COL24A1: variants seen among roughly 807,000 people sequenced by gnomAD.
COL24A1 encodes collagen alpha-1(XXIV) chain.
Under a neutral mutation model 253.9 loss-of-function variants are expected in COL24A1, and 224 were observed. The observed-to-expected ratio is 0.88, with a 90% CI of 0.79 to 0.99. COL24A1 has a LOEUF of 0.99. Among genes scored for constraint, COL24A1 ranks in the 50% least tolerant of loss-of-function variants. COL24A1 has a pLI of 0.00. For missense variants in COL24A1, 2,131 were observed against 2,068.5 expected, an observed-to-expected ratio of 1.03 and a Z score of -0.59; for synonymous variants, 685 against 673.7, an observed-to-expected ratio of 1.02 and a Z score of -0.26.
intron 7 of COL24A1, among the ~76,000 whole-genome samples, chr1:86,074,339 C>T (rs189125873): frequency 2.2e-4 from 33 of 152,064 alleles, no homozygotes; most frequent in Non-Finnish European, 4.6e-4. Flanking sequence ...ACTAAACCAA[C>T]AAAGATCAAA....
At chr1:86,137,176 G>A (rs567430069) in intron 2 of COL24A1, among the ~76,000 whole-genome samples, 2 of 152,190 alleles carry the variant, frequency 1.3e-5, no homozygotes, top group South Asian at 4.1e-4. Context: ...TGCTTGTTTT[G>A]TGAGTGGCCC....
intron 55 of COL24A1, among the ~76,000 whole-genome samples, chr1:85,755,897 G>A (rs1330867007): frequency 1.6e-4 from 13 of 80,762 alleles, no homozygotes; most frequent in Non-Finnish European, 3.2e-4. Flanking sequence ...AGATAAATTA[G>A]ACTATATCAG....
At chr1:86,021,029 G>A (rs995323072) in intron 18 of COL24A1, among the ~76,000 whole-genome samples, 4 of 152,138 alleles carry the variant, frequency 2.6e-5, no homozygotes, top group African/African-American at 9.7e-5. Context: ...TAATTCCTAA[G>A]AGATGTATAT....
At chr1:85,756,306 C>T (rs1279064891) in intron 55 of COL24A1, among the ~76,000 whole-genome samples, 1 of 151,954 alleles carries the variant, frequency 6.6e-6, no homozygotes, top group Non-Finnish European at 1.5e-5. Context: ...GTAATCCCAG[C>T]TACTCAGGAG....
intron 18 of COL24A1, among the ~76,000 whole-genome samples, chr1:86,021,478 G>T (rs1360253686): frequency 1.3e-5 from 2 of 151,968 alleles, no homozygotes; most frequent in Admixed American, 1.3e-4. Context: ...TGGCCACCCA[G>T]GTGACCTTAG....
intron 47 of COL24A1, among the ~76,000 whole-genome samples, chr1:85,789,528 T>C (rs965369642): frequency 6.6e-6 from 1 of 152,166 alleles, no homozygotes; most frequent in South Asian, 2.1e-4. Context: ...ACTTCCTCTC[T>C]TCCTATTTGA....
At chr1:85,777,628 CTT>C (rs967228946) in intron 52 of COL24A1, among the ~76,000 whole-genome samples, 1 of 151,906 alleles carries the variant, frequency 6.6e-6, no homozygotes, top group African/African-American at 2.4e-5. Context: ...AAAAAAAAGT[CTT>C]TGCAAAATTT....
intron 3 of COL24A1, among the ~76,000 whole-genome samples, chr1:86,116,449 A>G (rs1173425929): frequency 4.6e-5 from 7 of 152,184 alleles, no homozygotes. Flanking sequence ...ACTTTCCAAT[A>G]TGTGACAGTT....
chr1:86,131,994 C>G (rs943377653), intron 2 of COL24A1, among the ~76,000 whole-genome samples: 6 of 152,110 alleles, frequency 3.9e-5, no homozygotes, highest in African/African-American at 1.2e-4. Context: ...TAAAAGTGTT[C>G]CTATTTCTCT....
At chr1:85,952,982 T>C (rs1690075402) in intron 24 of COL24A1, among the ~76,000 whole-genome samples, 1 of 152,186 alleles carries the variant, frequency 6.6e-6, no homozygotes. Flanking sequence ...AAGAGTGGTA[T>C]TGTCAACAGG....
At chr1:85,954,687 C>T (rs533934132) in intron 24 of COL24A1, among the ~76,000 whole-genome samples, 2 of 152,186 alleles carry the variant, frequency 1.3e-5, no homozygotes, top group Non-Finnish European at 2.9e-5. Flanking sequence ...CATGGATATA[C>T]ATTTCATATA....
At chr1:86,092,160 G>GT (rs953278519) in intron 6 of COL24A1, 107 bp downstream of exon 6, 48 of 812,356 alleles carry the variant, frequency 5.9e-5, no homozygotes, top group Non-Finnish European at 8.7e-5. Context: ...TAATTCTCAT[G>GT]TTTTTTTCCT....
intron 28 of COL24A1, among the ~76,000 whole-genome samples, chr1:85,899,320 T>C (rs528049583): frequency 6.6e-6 from 1 of 152,316 alleles, no homozygotes; most frequent in East Asian, 1.9e-4. Context: ...TGAAAATGTG[T>C]CCACTGGTAA....
chr1:85,949,683 C>T (rs1049404987), intron 24 of COL24A1, among the ~76,000 whole-genome samples: 2 of 152,108 alleles, frequency 1.3e-5, no homozygotes, highest in African/African-American at 2.4e-5. Context: ...ACTGCAATAA[C>T]TTTGTTATTG....
At chr1:85,840,372 T>C (rs1676470601) in intron 42 of COL24A1, among the ~76,000 whole-genome samples, 1 of 152,154 alleles carries the variant, frequency 6.6e-6, no homozygotes, top group South Asian at 2.1e-4. Context: ...ATCTATTGCC[T>C]CTATATGAGA....
At chr1:86,150,579 T>C (rs977437924) in intron 1 of COL24A1, among the ~76,000 whole-genome samples, 1 of 152,050 alleles carries the variant, frequency 6.6e-6, no homozygotes, top group African/African-American at 2.4e-5. Flanking sequence ...CTTTTTTTTC[T>C]TAATTTTCAT....
chr1:85,775,597 C>A (rs1008377507), intron 53 of COL24A1, 77 bp downstream of exon 53: 2 of 1,215,438 alleles, frequency 1.6e-6, no homozygotes, highest in Admixed American at 4.5e-5. Context: ...ATGGATAACT[C>A]TAACAGGGTC....
Position 85,911,550 on chromosome 1 carries a change from T to C in COL24A1, c.2563-117A>G, listed in dbSNP as rs1489785207. The C allele has an allele frequency of 6.3e-5, 55 of 867,764 alleles. 1 individual carries two copies. The highest frequency in any genetic ancestry group is 1.9e-6 in the Non-Finnish European group (1 of 529,090). The allele number at this position is 867,764 out of a possible 1,614,324, so 53.8% of individuals were successfully genotyped here. A position where few individuals can be genotyped will look rare whatever the true frequency, so the allele number is the denominator to read the frequency against. On this transcript the variant is annotated intron_variant, in intron 24 of 59. Transcript: ENST00000370571. ...TTTCTAACTTATCCTAAATGTTATC[T>C]TGGAGTAAAATTCCTCCTTGTATAG...
chr1:86,035,247 G>C (rs1011383604), intron 12 of COL24A1, among the ~76,000 whole-genome samples: 1 of 152,082 alleles, frequency 6.6e-6, no homozygotes, highest in Admixed American at 6.6e-5. Flanking sequence ...TTTTACTTTC[G>C]TTGTCTTTGG....
Sources: gnomAD v4.1 joint callset for allele counts (sites outside exome capture counted in the v4.1 genomes callset) on GRCh38, gnomAD v4.1.1 for gene constraint, MANE v1.5 for transcripts, NCBI Gene and HGNC (gene_info 2026-07-23, HGNC 2026-07-21) for gene names.